The following CCDC180 variants were observed in gnomAD, a reference collection of about 807,000 sequenced individuals.
The protein encoded by CCDC180 is coiled-coil domain containing 180.
A neutral mutation model predicts 209.2 loss-of-function variants in CCDC180; 154 were observed. The observed-to-expected ratio is 0.74, with a 90% CI of 0.65 to 0.84. CCDC180 has a LOEUF of 0.84. Ranked by LOEUF, CCDC180 falls within the 40% of genes least tolerant of loss-of-function variation. CCDC180 has a pLI of 0.00. For synonymous variants in CCDC180, 778 were observed against 749.1 expected (o/e 1.04, Z -0.63); for missense variants, 1,874 against 1,997.3 (o/e 0.94, Z 1.18).
intron 28 of CCDC180, 32 bp from the exon 29 acceptor site, chr9:97,364,019 C>T: frequency 6.2e-7 from 1 of 1,607,012 alleles, no homozygotes; most frequent in Non-Finnish European, 8.5e-7. Context: ...TGTCCACAGC[C>T]TCCAGACCAC....
At chr9:97,346,883 A>G (rs1826275384) in intron 19 of CCDC180, among the ~76,000 whole-genome samples, 2 of 152,188 alleles carry the variant, frequency 1.3e-5, no homozygotes, top group South Asian at 4.1e-4. Flanking sequence ...AGCCTAAATA[A>G]TCTTAAGCAC....
intron 2 of CCDC180, among the ~76,000 whole-genome samples, chr9:97,309,051 G>C (rs765335343): frequency 4.6e-5 from 7 of 151,962 alleles, no homozygotes; most frequent in Non-Finnish European, 8.8e-5. Context: ...ATTATTTGTG[G>C]GTCTCATCTT....
chr9:97,349,190 G>GTTC lies in CCDC180; in HGVS notation c.2756_2758dup (p.Phe919dup). On this transcript the variant is annotated inframe_insertion, in exon 21 of 37. Transcript: ENST00000529487. ...AGACGCTGAAGAAGAAGCGGCTGAT[G>GTTC]TTCTGCCAGTTCCAAGAAGAGCAAA... The GTTC allele has an allele frequency of 2.6e-6, 4 of 1,536,466 alleles. No homozygotes were observed. Among genetic ancestry groups the GTTC allele is most frequent in the Non-Finnish European group, 3.5e-6 (4 of 1,146,996 alleles).
intron 3 of CCDC180, among the ~76,000 whole-genome samples, chr9:97,310,592 G>C (rs1380089366): frequency 6.6e-6 from 1 of 152,100 alleles, no homozygotes; most frequent in African/African-American, 2.4e-5. Flanking sequence ...TAGGCACTTT[G>C]AGTTCTACAC....
At chr9:97,309,657 CA>C (rs1832916575) in intron 3 of CCDC180, 53 bp downstream of exon 3, 27 of 1,405,436 alleles carry the variant, frequency 1.9e-5, no homozygotes, top group Non-Finnish European at 2.5e-5. Flanking sequence ...CCTGAGCCTT[CA>C]AAAACTCAAA....
At chr9:97,351,529 A>G (rs941450351) in intron 22 of CCDC180, among the ~76,000 whole-genome samples, 1 of 152,186 alleles carries the variant, frequency 6.6e-6, no homozygotes, top group Non-Finnish European at 1.5e-5. Flanking sequence ...TTGAAAGGCT[A>G]TATTTATTTT....
At chr9:97,361,989 G>A in intron 27 of CCDC180, 91 bp downstream of exon 27, 2 of 1,464,956 alleles carry the variant, frequency 1.4e-6, no homozygotes, top group Non-Finnish European at 1.8e-6. Context: ...CACACACTGG[G>A]GTTCCCACGT....
At position 97,360,069 on chromosome 9, in the gene CCDC180, G is replaced by A. The variant is rs1826706396; in HGVS notation, c.3451G>A (p.Asp1151Asn). 1.2e-6 allele frequency: 2 copies of A among 1,614,018 alleles called. No individual in the cohort carries two copies. The highest frequency in any genetic ancestry group is 1.7e-5 in the Admixed American group (1 of 60,016). Residue 1151 changes from aspartate to asparagine, a missense_variant, in exon 26 of 37, where the codon GAC becomes AAC. Coordinates refer to ENST00000529487, the MANE Select transcript of CCDC180 (RefSeq NM_020893.6). ...GATTCAGTACCTTAACTGCAGCCTG[G>A]ACAGGGTGTCCATGACTGAACTGGT... ...QRIQYLNCSL[D>N]RVSMTELVFT... is the part of the protein sequence containing the mutation.
At chr9:97,361,964 C>T in intron 27 of CCDC180, 66 bp downstream of exon 27, 1 of 1,560,624 alleles carries the variant, frequency 6.4e-7, no homozygotes, top group Non-Finnish European at 8.7e-7. Flanking sequence ...CCTTCAGGGA[C>T]CAGCTTTGGG....
chr9:97,354,280 G>A (rs1826503190), intron 22 of CCDC180, among the ~76,000 whole-genome samples: 1 of 152,048 alleles, frequency 6.6e-6, no homozygotes, highest in Non-Finnish European at 1.5e-5. Context: ...CGCCTGGCAA[G>A]TTCATGTGGA....
chr9:97,364,204 G>T (rs1319214570), intron 29 of CCDC180, 76 bp downstream of exon 29: 1 of 1,394,530 alleles, frequency 7.2e-7, no homozygotes, highest in Non-Finnish European at 1.0e-6. Flanking sequence ...TGACTCAGCT[G>T]AGGGGAAAAA....
At chr9:97,337,768 A>G (rs1379129541) in intron 18 of CCDC180, among the ~76,000 whole-genome samples, 1 of 152,190 alleles carries the variant, frequency 6.6e-6, no homozygotes, top group Non-Finnish European at 1.5e-5. Context: ...CTCTGGTAGA[A>G]TTCGGCTGTG....
At chr9:97,354,475 C>A in intron 22 of CCDC180, 94 bp from the exon 23 acceptor site, 2 of 1,275,292 alleles carry the variant, frequency 1.6e-6, no homozygotes, top group Non-Finnish European at 2.2e-6. Flanking sequence ...AACCGGAAGC[C>A]TAGATTAAAA....
At chr9:97,325,372 C>T (rs907357798) in intron 14 of CCDC180, among the ~76,000 whole-genome samples, 180 bp downstream of exon 14, 1 of 152,178 alleles carries the variant, frequency 6.6e-6, no homozygotes, top group African/African-American at 2.4e-5. Context: ...AAATGTGTCT[C>T]TAAGAGCATG....
intron 9 of CCDC180, 61 bp from the exon 10 acceptor site, chr9:97,318,402 T>G: frequency 1.3e-6 from 2 of 1,585,344 alleles, no homozygotes; most frequent in South Asian, 1.1e-5. Flanking sequence ...TCTCTTTCCC[T>G]CTCTCACTCC....
At chr9:97,361,162 A>C (rs1277265497) in intron 26 of CCDC180, among the ~76,000 whole-genome samples, 1 of 152,194 alleles carries the variant, frequency 6.6e-6, no homozygotes, top group African/African-American at 2.4e-5. Context: ...GAAACAGAGA[A>C]CAGCCTAGGT....
At chr9:97,315,565 T>C (rs892972253) in intron 8 of CCDC180, among the ~76,000 whole-genome samples, 1 of 152,218 alleles carries the variant, frequency 6.6e-6, no homozygotes, top group Non-Finnish European at 1.5e-5. Flanking sequence ...GAGCAAAGTC[T>C]AACTCCTCTG....
Position 97,339,504 on chromosome 9 carries a change from G to T in CCDC180, c.2275-3836G>T, listed in dbSNP as rs1008825974. Among the ~76,000 whole-genome samples the T allele has an allele frequency of 2.9e-5, 4 of 137,904 alleles. No homozygotes were observed. The South Asian group carries it at 9.0e-4, about 31-fold the overall frequency. The allele number at this position is 137,904 out of a possible 152,430, so 90.5% of individuals were successfully genotyped here. ...ATTGGCCCCCACTCTCTTCTGGCTT[G>T]CAGGGTTTCTGCTGAGAGATCCACT... On this transcript the variant is annotated intron_variant, in intron 18 of 36. Transcript: ENST00000529487.
At chr9:97,312,040 T>G in intron 3 of CCDC180, 73 bp from the exon 4 acceptor site, 1 of 1,296,238 alleles carries the variant, frequency 7.7e-7, no homozygotes, top group East Asian at 2.3e-5. Context: ...CACCCCTTGG[T>G]GCCCTTATGT....
Sources: gnomAD v4.1 joint callset for allele counts (sites outside exome capture counted in the v4.1 genomes callset) on GRCh38, gnomAD v4.1.1 for gene constraint, MANE v1.5 for transcripts, NCBI Gene and HGNC (gene_info 2026-07-23, HGNC 2026-07-21) for gene names.